LRRCC1: variants seen among roughly 807,000 people sequenced by gnomAD.
The protein encoded by LRRCC1 is leucine rich repeat and coiled-coil centrosomal protein 1, also known as leucine-rich repeat and coiled-coil domain-containing protein 1.
In LRRCC1, 115 loss-of-function variants were observed where a neutral mutation model predicts 126.0. The ratio of observed to expected loss-of-function variants is 0.91; its 90% CI spans 0.78 to 1.07. The LOEUF is 1.07. Among genes scored for constraint, LRRCC1 ranks in the 50% least tolerant of loss-of-function variants. LRRCC1 has a pLI of 0.00. For missense variants in LRRCC1, 1,172 were observed against 1,175.7 expected, an observed-to-expected ratio of 1.00 and a Z score of 0.05; for synonymous variants, 400 against 393.4, an observed-to-expected ratio of 1.02 and a Z score of -0.20.
Position 85,138,343 on chromosome 8 carries a change from T to C in LRRCC1, c.2708T>C (p.Leu903Pro). Residue 903 changes from leucine to proline, a missense_variant, in exon 17 of 19, where the codon CTG becomes CCG. Leu to Pro is a moderately conservative substitution (Grantham distance 98). Coordinates refer to ENST00000360375, the MANE Select transcript of LRRCC1 (RefSeq NM_033402.5). ...LEEIRKAYST[L>P]NRKWHDKGEL... ...CAAATTACTTCTCATATTAGTACAC[T>C]GAATCGGAAGTGGCATGATAAAGGA... 6.2e-7 allele frequency: 1 copy of C among 1,602,330 alleles called. No homozygotes were observed. Among genetic ancestry groups the C allele is most frequent in the Non-Finnish European group, 8.5e-7 (1 of 1,176,516 alleles).
Position 85,141,522 on chromosome 8 carries a change from T to G in LRRCC1, c.2976+5T>G, listed in dbSNP as rs891219649. The stretch of plus-strand genomic sequence containing the variant: ...ATTGATTCTGCAAATTTAAAGGTAT[T>G]GTAAGTAAAATTCACTTCAATAATC... On this transcript the variant is annotated splice_donor_5th_base_variant and intron_variant, in intron 18 of 18. Coordinates refer to ENST00000360375, the MANE Select transcript of LRRCC1 (RefSeq NM_033402.5). 7 of 1,594,918 alleles carry G rather than the reference T, an allele frequency of 4.4e-6. No homozygotes were observed. The highest frequency in any genetic ancestry group is 6.0e-6 in the Non-Finnish European group (7 of 1,168,144).
chr8:85,129,458 C>A, intron 10 of LRRCC1, 79 bp downstream of exon 10: 2 of 1,208,174 alleles, frequency 1.7e-6, no homozygotes, highest in Non-Finnish European at 2.3e-6. Flanking sequence ...ATTATACTAC[C>A]TAGAAAACCT....
chr8:85,116,287 T>G (rs1245296016), intron 6 of LRRCC1, among the ~76,000 whole-genome samples: 7 of 152,132 alleles, frequency 4.6e-5, no homozygotes, highest in Non-Finnish European at 8.8e-5. Context: ...TCTAGCTGGG[T>G]GTAGGATAGA....
At position 85,139,881 on chromosome 8, in the gene LRRCC1, T is replaced by C. The variant is rs186752785; in HGVS notation, c.2840+1406T>C. Among the ~76,000 whole-genome samples the C allele has an allele frequency of 2.6e-5, 4 of 152,346 alleles. No homozygotes were observed. The East Asian group carries it at 5.8e-4, about 22-fold the overall frequency. ...GATTTCTTGTTTTGACTCAGTCTAA[T>C]GGGAAAGTGTTGTTACACTGCAGAA... On this transcript the variant is annotated intron_variant, in intron 17 of 18. Transcript: ENST00000360375.
Position 85,126,838 on chromosome 8 carries a change from G to C in LRRCC1, c.1421+1G>C. 6.2e-7 allele frequency: 1 copy of C among 1,602,106 alleles called. No homozygotes were observed. The highest frequency in any genetic ancestry group is 8.5e-7 in the Non-Finnish European group (1 of 1,175,932). ...GTCTGGCTCTACTTACCACAGATAG[G>C]TAAAAAGAAATTAATAAACCTGAAG... On this transcript the variant is annotated splice_donor_variant, in intron 9 of 18. Coordinates refer to ENST00000360375, the MANE Select transcript of LRRCC1 (RefSeq NM_033402.5). LOFTEE classifies it high-confidence loss of function.
intron 9 of LRRCC1, among the ~76,000 whole-genome samples, chr8:85,127,431 C>T (rs1810100703): frequency 6.6e-6 from 1 of 152,230 alleles, no homozygotes; most frequent in African/African-American, 2.4e-5. Flanking sequence ...TAACGTCATG[C>T]TTTTCCTCAA....
At chr8:85,122,542 A>T (rs1477721748) in intron 6 of LRRCC1, among the ~76,000 whole-genome samples, 1 of 152,118 alleles carries the variant, frequency 6.6e-6, no homozygotes, top group Non-Finnish European at 1.5e-5. Flanking sequence ...TACTTCAGAC[A>T]TTGTATTTTT....
At position 85,138,453 on chromosome 8, in the gene LRRCC1, G is replaced by T. The variant is rs78041038; in HGVS notation, c.2818G>T (p.Asp940Tyr). ...GGAAAAGAAACTTAAAGCGGAAAGAGACAAAAGTATTGAACTACAAAAGTA... is the reference window on the plus strand; with the variant it reads ...GGAAAAGAAACTTAAAGCGGAAAGATACAAAAGTATTGAACTACAAAAGTA... ...NKEKKLKAER[D>Y]KSIELQKNAM... The change falls in exon 17 of 19, where the codon GAC (aspartate) becomes TAC (tyrosine). Residue 940 changes from aspartate to tyrosine, a missense_variant. Asp to Tyr is a radical substitution (Grantham distance 160). Coordinates refer to ENST00000360375, the MANE Select transcript of LRRCC1 (RefSeq NM_033402.5). 6.2e-7 allele frequency: 1 copy of T among 1,611,172 alleles called. No homozygotes were observed. The highest frequency in any genetic ancestry group is 1.3e-5 in the African/African-American group (1 of 74,690).
intron 6 of LRRCC1, among the ~76,000 whole-genome samples, chr8:85,116,435 A>G (rs972739686): frequency 2.6e-5 from 4 of 151,964 alleles, no homozygotes; most frequent in African/African-American, 7.2e-5. Flanking sequence ...GTATGGTGGC[A>G]TGAACATAGC....
chr8:85,123,750 G>A, intron 7 of LRRCC1, 144 bp downstream of exon 7: 2 of 576,294 alleles, frequency 3.5e-6, no homozygotes, highest in Non-Finnish European at 5.8e-6. Flanking sequence ...GATCTGGTCA[G>A]TACATTCATG....
chr8:85,124,930 CACTT>C lies in LRRCC1; in HGVS notation c.1266_1269del (p.Tyr423SerfsTer7), dbSNP rs779898812. 38 of 1,592,242 alleles carry C rather than the reference CACTT, an allele frequency of 2.4e-5. No homozygotes were observed. Among genetic ancestry groups the C allele is most frequent in the Non-Finnish European group, 3.1e-5 (36 of 1,171,866 alleles). On this transcript the variant is annotated frameshift_variant, in exon 8 of 19. Coordinates refer to ENST00000360375, the MANE Select transcript of LRRCC1 (RefSeq NM_033402.5). LOFTEE classifies it high-confidence loss of function. ...TAGACCAAAGTCACTCAGAAGACAACACTTACCAGGTATGATTTAAGAGTTAAAG... is the reference window on the plus strand; with the variant it reads ...TAGACCAAAGTCACTCAGAAGACAACACCAGGTATGATTTAAGAGTTAAAG...
intron 6 of LRRCC1, among the ~76,000 whole-genome samples, chr8:85,121,449 TTTG>T (rs1434364321): frequency 6.6e-6 from 1 of 152,146 alleles, no homozygotes; most frequent in African/African-American, 2.4e-5. Flanking sequence ...TTTGTTTTGT[TTTG>T]TTTTTTGAGA....
At chr8:85,141,317 C>T in intron 17 of LRRCC1, 65 bp from the exon 18 acceptor site, 1 of 1,332,716 alleles carries the variant, frequency 7.5e-7, no homozygotes, top group Non-Finnish European at 1.0e-6. Context: ...GAAGAAATAA[C>T]ATCCTAATCT....
At chr8:85,107,648 A>G in intron 1 of LRRCC1, 1 of 367,370 alleles carries the variant, frequency 2.7e-6, no homozygotes, top group Non-Finnish European at 4.9e-6. Flanking sequence ...TAGCCTAGAA[A>G]CTGCCCCAGG....
At chr8:85,132,372 T>G (rs1810536928) in intron 12 of LRRCC1, among the ~76,000 whole-genome samples, 1 of 123,656 alleles carries the variant, frequency 8.1e-6, no homozygotes, top group African/African-American at 3.2e-5. Context: ...AGTTGAGTAC[T>G]TTCTTTTTTT....
At chr8:85,121,591 G>A (rs1288624798) in intron 6 of LRRCC1, among the ~76,000 whole-genome samples, 2 of 152,082 alleles carry the variant, frequency 1.3e-5, no homozygotes, top group East Asian at 3.9e-4. Flanking sequence ...ATAAGCATGT[G>A]CCACCACGCC....
intron 6 of LRRCC1, among the ~76,000 whole-genome samples, chr8:85,118,726 C>T (rs1809299263): frequency 6.6e-6 from 1 of 151,730 alleles, no homozygotes; most frequent in South Asian, 2.1e-4. Context: ...GGTTGTTTAT[C>T]CAGGTTGTAG....
intron 10 of LRRCC1, 129 bp from the exon 11 acceptor site, chr8:85,129,790 A>T: frequency 1.5e-6 from 1 of 676,658 alleles, no homozygotes; most frequent in Non-Finnish European, 2.3e-6. Flanking sequence ...TAACATCATT[A>T]ATTTATTAAA....
intron 3 of LRRCC1, 122 bp downstream of exon 3, chr8:85,110,302 A>C (rs1465148870): frequency 1.8e-5 from 8 of 450,712 alleles, no homozygotes; most frequent in Non-Finnish European, 2.8e-5. Context: ...CAAAGAGCTC[A>C]TCTAGAGAGC....
Sources: gnomAD v4.1 joint callset for allele counts (sites outside exome capture counted in the v4.1 genomes callset) on GRCh38, gnomAD v4.1.1 for gene constraint, MANE v1.5 for transcripts, NCBI Gene and HGNC (gene_info 2026-07-23, HGNC 2026-07-21) for gene names.